The following PCM1 variants were observed in gnomAD, a reference collection of about 807,000 sequenced individuals.
PCM1 encodes pericentriolar material 1.
PCM1 carries 157 observed loss-of-function variants against 241.9 expected under a neutral mutation model. The observed-to-expected ratio is 0.65, with a 90% CI of 0.57 to 0.74. The LOEUF (loss-of-function observed/expected upper bound fraction) is 0.74, where lower values mean the gene tolerates loss of function less well. Ranked by LOEUF, PCM1 falls within the 30% of genes least tolerant of loss-of-function variation. The pLI, the probability that PCM1 is intolerant of heterozygous loss-of-function variation, is 0.00. For missense variants in PCM1, 3,478 were observed against 2,360.1 expected (o/e 1.47, Z -9.81); for synonymous variants, 1,085 against 784.9 (o/e 1.38, Z -6.39).
chr8:17,942,388 A>C (rs1178543271), intron 6 of PCM1, among the ~76,000 whole-genome samples: 1 of 151,642 alleles, frequency 6.6e-6, no homozygotes, highest in African/African-American at 2.4e-5. Flanking sequence ...AATCGCTTCA[A>C]CCTAGGAGGT....
At chr8:17,993,974 T>A (rs925254898) in intron 29 of PCM1, among the ~76,000 whole-genome samples, 1 of 152,212 alleles carries the variant, frequency 6.6e-6, no homozygotes, top group Non-Finnish European at 1.5e-5. Context: ...GCATGCAATA[T>A]GTAATAATCA....
chr8:17,937,365 A>G lies in PCM1; in HGVS notation c.328A>G (p.Ser110Gly), dbSNP rs373679644. ...LEKLKQRINF[S>G]DLDQRSIGSD... is the part of the protein sequence containing the mutation. ...GAAACTGAAACAGCGGATAAACTTCAGTGATTTAGATCAGGTTTGTGAATT... is the reference window on the plus strand; with the variant it reads ...GAAACTGAAACAGCGGATAAACTTCGGTGATTTAGATCAGGTTTGTGAATT... The change falls in exon 4 of 39, where the codon AGT (serine) becomes GGT (glycine). Residue 110 changes from serine to glycine, a missense_variant. By Grantham distance (56) the Ser-to-Gly change is moderately conservative. Coordinates refer to ENST00000325083, the MANE Select transcript of PCM1 (RefSeq NM_006197.4). The G allele has an allele frequency of 1.3e-6, 2 of 1,596,826 alleles. No individual in the cohort carries two copies. Among genetic ancestry groups the G allele is most frequent in the African/African-American group, 1.3e-5 (1 of 74,420 alleles).
At chr8:17,987,104 A>G (rs1272059222) in intron 26 of PCM1, among the ~76,000 whole-genome samples, 10 of 151,854 alleles carry the variant, frequency 6.6e-5, no homozygotes, top group Admixed American at 5.2e-4. Flanking sequence ...CTTTAGTACT[A>G]TAACATAAAC....
chr8:17,943,767 C>T (rs531819453), intron 6 of PCM1, among the ~76,000 whole-genome samples: 52 of 151,938 alleles, frequency 3.4e-4, no homozygotes, highest in Non-Finnish European at 5.7e-4. Context: ...ATTTTTTTCT[C>T]TACTCTGCAG....
At chr8:17,946,342 T>C (rs1276406910) in intron 6 of PCM1, among the ~76,000 whole-genome samples, 1 of 152,208 alleles carries the variant, frequency 6.6e-6, no homozygotes, top group African/African-American at 2.4e-5. Flanking sequence ...AGATGTCTGA[T>C]AATATGATGT....
Position 17,980,559 on chromosome 8 carries a change from A to G in PCM1, c.3944-32A>G, listed in dbSNP as rs752033681. 10 of 1,548,732 alleles carry G rather than the reference A, an allele frequency of 6.5e-6. No individual in the cohort carries two copies. The Admixed American group carries it at 8.2e-5, about 13-fold the overall frequency. On this transcript the variant is annotated intron_variant, in intron 23 of 38. Transcript: ENST00000325083. ...TCCCTTTTAGTTTGAGTTAGTTGCA[A>G]CTGATAACAGTTGTCACTTTTTTTA...
Position 18,027,715 on chromosome 8 carries a change from G to GA in PCM1, c.*57dup. ...GTCCTTACATACTCAATGCATATAT[G>GA]AAAACAATACTAAATAAACATCTGA... On this transcript the variant is annotated 3_prime_UTR_variant, in exon 39 of 39. Coordinates refer to ENST00000325083, the MANE Select transcript of PCM1 (RefSeq NM_006197.4). The GA allele has an allele frequency of 7.8e-7, 1 of 1,289,718 alleles. No individual in the cohort carries two copies. Among genetic ancestry groups the GA allele is most frequent in the East Asian group, 2.3e-5 (1 of 42,714 alleles). The allele number at this position is 1,289,718 out of a possible 1,614,324, so 79.9% of individuals were successfully genotyped here. A position where few individuals can be genotyped will look rare whatever the true frequency, so the allele number is the denominator to read the frequency against.
chr8:17,926,589 A>G (rs960202241), intron 2 of PCM1: 2 of 152,230 alleles, frequency 1.3e-5, no homozygotes, highest in African/African-American at 4.8e-5. Flanking sequence ...CAGCTTGAGA[A>G]TAGTAGCAGA....
chr8:17,985,606 T>C lies in PCM1; in HGVS notation c.4268T>C (p.Leu1423Ser). 1 of 1,605,754 alleles carries C rather than the reference T, an allele frequency of 6.2e-7. No homozygotes were observed. The highest frequency in any genetic ancestry group is 8.5e-7 in the Non-Finnish European group (1 of 1,175,368). ...LNTDYLRQRA[L>S]YALQDIVSRH... is the part of the protein sequence containing the mutation. ...ACAGACTACTTGAGACAGAGGGCTT[T>C]ATATGCATTGCAGGTATCTGGTACC... The change falls in exon 25 of 39, where the codon TTA (leucine) becomes TCA (serine). Residue 1423 changes from leucine (L) to serine (S), a missense_variant. Transcript: ENST00000325083.
chr8:17,952,191 C>G (rs1057227198), intron 8 of PCM1, among the ~76,000 whole-genome samples: 3 of 151,108 alleles, frequency 2.0e-5, no homozygotes, highest in African/African-American at 7.4e-5. Context: ...CCACTGCACT[C>G]TAGCCTGGGC....
intron 2 of PCM1, among the ~76,000 whole-genome samples, chr8:17,935,202 C>T (rs2060081662): frequency 1.3e-5 from 2 of 152,214 alleles, no homozygotes; most frequent in Admixed American, 1.3e-4. Context: ...TCATCTTCAT[C>T]CCAAGTCCAT....
intron 3 of PCM1, among the ~76,000 whole-genome samples, chr8:17,936,723 A>T (rs1009414040): frequency 1.3e-5 from 2 of 152,186 alleles, no homozygotes; most frequent in Non-Finnish European, 2.9e-5. Context: ...TTAGGTTTAG[A>T]ACCTAGGTTG....
chr8:17,930,587 T>C (rs1439521624), intron 2 of PCM1, among the ~76,000 whole-genome samples: 2 of 151,838 alleles, frequency 1.3e-5, no homozygotes, highest in Non-Finnish European at 2.9e-5. Flanking sequence ...TTGGGAAATG[T>C]TGTGAATGTG....
In PCM1 at chr8:18,028,439, G is replaced by A; in HGVS notation, c.*777G>A. On this transcript the variant is annotated 3_prime_UTR_variant, in exon 39 of 39. Coordinates refer to ENST00000325083, the MANE Select transcript of PCM1 (RefSeq NM_006197.4). ...TTCTGCACAGAGAAGTAACATTGTGGTTAATTTTAAATGAAAAACTTAACT... is the reference window on the plus strand; with the variant it reads ...TTCTGCACAGAGAAGTAACATTGTGATTAATTTTAAATGAAAAACTTAACT... 1 of 193,266 alleles carries A rather than the reference G, an allele frequency of 5.2e-6. No individual in the cohort carries two copies. The highest frequency in any genetic ancestry group is 8.2e-5 in the East Asian group (1 of 12,172). The allele number at this position is 193,266 out of a possible 1,614,324, so 12.0% of individuals were successfully genotyped here.
chr8:17,969,279 A>T (rs895043021), intron 21 of PCM1: 1 of 235,588 alleles, frequency 4.2e-6, no homozygotes, highest in East Asian at 1.1e-4. Flanking sequence ...ACCAAGTAAC[A>T]TGTAAAGTGC....
Position 17,985,958 on chromosome 8 carries a change from G to C in PCM1, c.4282-1G>C. ...AATGATGATCTTATTTTCTTATTTA[G>C]GACATAGTATCCAGACATATTTCTG... On this transcript the variant is annotated splice_acceptor_variant, in intron 25 of 38. Transcript: ENST00000325083. LOFTEE classifies it high-confidence loss of function. 1 of 1,521,440 alleles carries C rather than the reference G, an allele frequency of 6.6e-7. No individual in the cohort carries two copies. Among genetic ancestry groups the C allele is most frequent in the Non-Finnish European group, 9.0e-7 (1 of 1,113,662 alleles). 94.2% of individuals were successfully genotyped at this position (1,521,440 alleles called of 1,614,324 possible). A position where few individuals can be genotyped will look rare whatever the true frequency, so the allele number is the denominator to read the frequency against.
chr8:17,975,174 G>A (rs1241309125), intron 23 of PCM1, among the ~76,000 whole-genome samples: 2 of 152,080 alleles, frequency 1.3e-5, no homozygotes, highest in African/African-American at 4.8e-5. Context: ...GGTTTATGTG[G>A]TTTTTGTTCC....
At chr8:17,923,659 G>C (rs77636848) in intron 1 of PCM1, among the ~76,000 whole-genome samples, 15 of 152,218 alleles carry the variant, frequency 9.9e-5, no homozygotes, top group African/African-American at 3.1e-4. Context: ...GGGTGTAGAA[G>C]GGCGGATGAG....
intron 36 of PCM1, among the ~76,000 whole-genome samples, chr8:18,016,862 G>C (rs577338942): frequency 1.3e-5 from 2 of 152,212 alleles, no homozygotes; most frequent in Non-Finnish European, 2.9e-5. Flanking sequence ...AGGACACCGA[G>C]GTCTGGCTCC....
Sources: gnomAD v4.1 joint callset for allele counts (sites outside exome capture counted in the v4.1 genomes callset) on GRCh38, gnomAD v4.1.1 for gene constraint, MANE v1.5 for transcripts, NCBI Gene and HGNC (gene_info 2026-07-23, HGNC 2026-07-21) for gene names.